KDM4C: variants seen among roughly 807,000 people sequenced by gnomAD.
KDM4C encodes lysine-specific demethylase 4C.
In KDM4C, 81 loss-of-function variants were observed where a neutral mutation model predicts 129.3. The observed-to-expected ratio is 0.63, with a 90% CI of 0.52 to 0.75. The LOEUF (loss-of-function observed/expected upper bound fraction) is 0.75, where lower values mean the gene tolerates loss of function less well. Ranked by LOEUF, KDM4C falls within the 30% of genes least tolerant of loss-of-function variation. The probability of loss-of-function intolerance (pLI) is 0.00; values close to 1 mark genes in which losing one functional copy is unlikely to be tolerated. For synonymous variants in KDM4C, 573 were observed against 456.1 expected (o/e 1.26, Z -3.26); for missense variants, 1,457 against 1,304.0 (o/e 1.12, Z -1.81).
At chr9:7,046,803 T>A (rs766909284) in intron 15 of KDM4C, 59 bp from the exon 16 acceptor site, 62 of 1,086,214 alleles carry the variant, frequency 5.7e-5, no homozygotes, top group Admixed American at 8.8e-5. Flanking sequence ...TTTAGATGAA[T>A]GGTAATGACT....
intron 17 of KDM4C, among the ~76,000 whole-genome samples, chr9:7,092,348 G>A (rs1331342753): frequency 6.6e-6 from 1 of 152,114 alleles, no homozygotes; most frequent in Non-Finnish European, 1.5e-5. Context: ...GGGGGTAAGG[G>A]TATTGAGTTA....
chr9:6,740,194 TTTTTG>T (rs564850337), intron 1 of KDM4C, among the ~76,000 whole-genome samples: 28 of 149,078 alleles, frequency 1.9e-4, no homozygotes, highest in South Asian at 8.5e-4. Flanking sequence ...CCAGCCTAAT[TTTTTG>T]TTTTGTTTTG....
chr9:6,803,601 AT>A (rs1199489072), intron 2 of KDM4C, among the ~76,000 whole-genome samples: 2 of 151,802 alleles, frequency 1.3e-5, no homozygotes, highest in Non-Finnish European at 2.9e-5. Context: ...TTTTAAAAAA[AT>A]TAAAAAAACT....
At chr9:7,036,557 G>T (rs1827684314) in intron 15 of KDM4C, among the ~76,000 whole-genome samples, 1 of 152,032 alleles carries the variant, frequency 6.6e-6, no homozygotes. Flanking sequence ...CTGTTCTTCT[G>T]TTCTCTTTTA....
At chr9:6,733,904 A>T (rs927316982) in intron 1 of KDM4C, among the ~76,000 whole-genome samples, 3 of 152,084 alleles carry the variant, frequency 2.0e-5, no homozygotes, top group Admixed American at 2.0e-4. Flanking sequence ...GGCGCTGCTG[A>T]GAGTGTAGCA....
intron 3 of KDM4C, among the ~76,000 whole-genome samples, chr9:6,810,758 C>G (rs1830995445): frequency 6.6e-6 from 1 of 151,992 alleles, no homozygotes; most frequent in Admixed American, 6.6e-5. Flanking sequence ...GTAGTCCCAG[C>G]TACTCGGGAG....
intron 8 of KDM4C, among the ~76,000 whole-genome samples, chr9:6,942,938 C>G (rs1316827984): frequency 6.6e-6 from 1 of 152,062 alleles, no homozygotes; most frequent in Non-Finnish European, 1.5e-5. Context: ...TGATCACGGC[C>G]CCTTGTAGCC....
intron 8 of KDM4C, among the ~76,000 whole-genome samples, chr9:6,901,813 A>G (rs917227144): frequency 6.6e-6 from 1 of 152,208 alleles, no homozygotes; most frequent in Non-Finnish European, 1.5e-5. Flanking sequence ...AGCACCTATT[A>G]TTTGGTGGGC....
At chr9:6,995,736 G>GGA (rs1819574336) in intron 12 of KDM4C, among the ~76,000 whole-genome samples, 11 of 151,944 alleles carry the variant, frequency 7.2e-5, no homozygotes, top group Admixed American at 6.5e-4. Context: ...CAGTGGCGCA[G>GGA]TCTCAGCTCA....
chr9:7,110,652 C>A (rs1838221287), intron 18 of KDM4C, among the ~76,000 whole-genome samples: 1 of 152,182 alleles, frequency 6.6e-6, no homozygotes, highest in South Asian at 2.1e-4. Flanking sequence ...CTCTGCTTTT[C>A]TGGTCTCTTT....
At chr9:7,088,225 C>T (rs1351466058) in intron 17 of KDM4C, among the ~76,000 whole-genome samples, 3 of 152,150 alleles carry the variant, frequency 2.0e-5, no homozygotes, top group Non-Finnish European at 4.4e-5. Flanking sequence ...TTAAAGTGGG[C>T]AGGAGCCATG....
chr9:6,933,963 C>T (rs988406142), intron 8 of KDM4C, among the ~76,000 whole-genome samples: 1 of 152,016 alleles, frequency 6.6e-6, no homozygotes, highest in Non-Finnish European at 1.5e-5. Flanking sequence ...GATTCTCCTG[C>T]CATAGCCTCC....
At chr9:7,155,840 G>T (rs1302405405) in intron 19 of KDM4C, among the ~76,000 whole-genome samples, 1 of 152,188 alleles carries the variant, frequency 6.6e-6, no homozygotes, top group Non-Finnish European at 1.5e-5. Context: ...TGTCTTTATA[G>T]TAGCATGATT....
chr9:6,821,968 C>G (rs1564091927), intron 4 of KDM4C, among the ~76,000 whole-genome samples: 1 of 152,128 alleles, frequency 6.6e-6, no homozygotes, highest in African/African-American at 2.4e-5. Flanking sequence ...GCTTTCAGAG[C>G]TTGATTTCCT....
chr9:6,726,400 C>T (rs183323953), intron 1 of KDM4C: 11 of 152,414 alleles, frequency 7.2e-5, no homozygotes, highest in Admixed American at 7.2e-4. Flanking sequence ...GTCAGTCCCA[C>T]TGTCAGCAAG....
chr9:6,998,771 G>C (rs1438019006), intron 12 of KDM4C, among the ~76,000 whole-genome samples: 1 of 151,552 alleles, frequency 6.6e-6, no homozygotes, highest in Non-Finnish European at 1.5e-5. Context: ...ACTCCAGCCT[G>C]GGCAACACAG....
chr9:7,132,612 G>C (rs893352809), intron 19 of KDM4C, among the ~76,000 whole-genome samples: 6 of 152,160 alleles, frequency 3.9e-5, no homozygotes, highest in African/African-American at 1.4e-4. Flanking sequence ...CTATGAAATT[G>C]GGACACACTT....
At chr9:6,849,125 C>A (rs557232147) in intron 4 of KDM4C, among the ~76,000 whole-genome samples, 1 of 152,174 alleles carries the variant, frequency 6.6e-6, no homozygotes, top group Admixed American at 6.5e-5. Flanking sequence ...AAACCCAAAT[C>A]TCAAAACCCC....
intron 5 of KDM4C, among the ~76,000 whole-genome samples, chr9:6,871,644 T>C (rs998080128): frequency 2.6e-5 from 4 of 152,224 alleles, no homozygotes; most frequent in African/African-American, 9.6e-5. Flanking sequence ...GGCATTTTAT[T>C]TGATGGTTTT....
Sources: allele counts gnomAD v4.1 joint callset (sites outside exome capture counted in the v4.1 genomes callset), GRCh38; gene constraint gnomAD v4.1.1; transcripts MANE v1.5; gene names NCBI Gene and HGNC (gene_info 2026-07-23, HGNC 2026-07-21).